The following PDE4D variants were observed in gnomAD, a reference collection of about 807,000 sequenced individuals.
PDE4D encodes the protein 3',5'-cyclic-AMP phosphodiesterase 4D.
In PDE4D, 24 loss-of-function variants were observed where a neutral mutation model predicts 87.4. The ratio of observed to expected loss-of-function variants is 0.27; its 90% CI spans 0.20 to 0.39. The LOEUF is 0.39. PDE4D is among the 10% of genes least tolerant of loss of function. The pLI is 1.00. For synonymous variants in PDE4D, 384 were observed against 383.2 expected (o/e 1.00, Z -0.02); for missense variants, 714 against 1,041.0 (o/e 0.69, Z 4.32).
At chr5:59,157,514 T>C (rs1780429404) in intron 5 of PDE4D, among the ~76,000 whole-genome samples, 1 of 152,242 alleles carries the variant, frequency 6.6e-6, no homozygotes, top group Non-Finnish European at 1.5e-5. Flanking sequence ...CAAATTATAA[T>C]GTCCAAACCA....
At chr5:59,305,823 T>C (rs145037728) in intron 1 of PDE4D, among the ~76,000 whole-genome samples, 4 of 152,170 alleles carry the variant, frequency 2.6e-5, no homozygotes, top group African/African-American at 9.6e-5. Context: ...GCCTATCATA[T>C]GGTCTATCTT....
At chr5:59,663,457 C>T (rs915397530) in intron 1 of PDE4D, among the ~76,000 whole-genome samples, 16 of 152,120 alleles carry the variant, frequency 1.1e-4, no homozygotes, top group African/African-American at 3.9e-4. Flanking sequence ...AGGCATGAGC[C>T]ATCGTGCCCA....
intron 1 of PDE4D, among the ~76,000 whole-genome samples, chr5:59,307,399 A>C (rs1004500048): frequency 6.3e-4 from 95 of 151,596 alleles, no homozygotes; most frequent in Non-Finnish European, 1.1e-3. Flanking sequence ...ACAGCAAAAG[A>C]AACTACCATC....
chr5:60,104,713 G>A (rs1236669856), intron 2 of PDE4D, among the ~76,000 whole-genome samples: 5 of 152,174 alleles, frequency 3.3e-5, no homozygotes, highest in East Asian at 1.9e-4. Flanking sequence ...ACGAAAATCC[G>A]CTGTTCTGCA....
chr5:60,404,288 TA>T (rs202137915), intron 1 of PDE4D, among the ~76,000 whole-genome samples: 4 of 151,416 alleles, frequency 2.6e-5, no homozygotes, highest in African/African-American at 7.3e-5. Context: ...ACTGCTTGGA[TA>T]AAAAAAATCA....
chr5:59,251,420 A>C (rs1257288837), intron 1 of PDE4D, among the ~76,000 whole-genome samples: 1 of 152,214 alleles, frequency 6.6e-6, no homozygotes, highest in Non-Finnish European at 1.5e-5. Context: ...CAACAAGCAT[A>C]TGAAAAAACC....
At chr5:60,058,392 AAAC>A (rs1562037891) in intron 2 of PDE4D, among the ~76,000 whole-genome samples, 4 of 152,118 alleles carry the variant, frequency 2.6e-5, no homozygotes, top group South Asian at 2.1e-4. Context: ...ATGAAAAGTG[AAAC>A]AACATCTTCA....
intron 1 of PDE4D, among the ~76,000 whole-genome samples, chr5:59,631,413 G>A (rs1406845748): frequency 6.6e-6 from 1 of 152,118 alleles, no homozygotes; most frequent in African/African-American, 2.4e-5. Context: ...TGTTTGTGGA[G>A]ACAAAAATTT....
chr5:59,068,068 G>A (rs1764199582), intron 5 of PDE4D, among the ~76,000 whole-genome samples: 1 of 152,138 alleles, frequency 6.6e-6, no homozygotes, highest in South Asian at 2.1e-4. Flanking sequence ...TTGACTTGAG[G>A]TCCAGGGCTT....
At chr5:59,172,325 TAATA>T (rs1475912620) in intron 5 of PDE4D, among the ~76,000 whole-genome samples, 20 of 130,588 alleles carry the variant, frequency 1.5e-4, no homozygotes, top group South Asian at 2.2e-4. Flanking sequence ...ATAAAATATA[TAATA>T]TATAATATAT....
intron 1 of PDE4D, among the ~76,000 whole-genome samples, chr5:59,297,563 A>T (rs567896914): frequency 1.3e-5 from 2 of 151,846 alleles, no homozygotes; most frequent in African/African-American, 4.8e-5. Context: ...TCATATGTGA[A>T]TTTTTTTTTA....
rs376638385 is a variant in PDE4D at position 60,193,711 on chromosome 5, G to C, written c.-89-8024C>G. Reference sequence around the variant, plus strand: ...AAAAAAAGAAAGAAAAAGAAAAAAAGAAAAGAAAAAGCTGTCACAATTTTC... The same window carrying C: ...AAAAAAAGAAAGAAAAAGAAAAAAACAAAAGAAAAAGCTGTCACAATTTTC... On this transcript the variant is annotated intron_variant, in intron 1 of 16. Transcript: ENST00000502484. 2.3e-5 allele frequency among the ~76,000 whole-genome samples: 3 copies of C among 128,034 alleles called. 1 individual carries two copies. Among genetic ancestry groups the C allele is most frequent in the Non-Finnish European group, 5.2e-5 (3 of 58,012 alleles). The allele number at this position is 128,034 out of a possible 152,430, so 84.0% of individuals were successfully genotyped here. A position where few individuals can be genotyped will look rare whatever the true frequency, so the allele number is the denominator to read the frequency against.
In PDE4D at chr5:60,478,959, T is replaced by C. The variant is rs140738538; in HGVS notation, c.-90+8983A>G. On this transcript the variant is annotated intron_variant, in intron 1 of 16. Transcript: ENST00000502484. ...TGCGCTGTAGAGCCTTCTAGTATGC[T>C]GAGTCTCATTTGGTCCTCCTTTTGT... 1.8e-3 allele frequency among the ~76,000 whole-genome samples: 270 copies of C among 152,334 alleles called. 3 individuals carry two copies. Among genetic ancestry groups the C allele is most frequent in the Admixed American group, 0.015 (236 of 15,300 alleles).
intron 1 of PDE4D, among the ~76,000 whole-genome samples, chr5:60,335,580 G>A (rs577425306): frequency 1.7e-4 from 26 of 152,288 alleles, no homozygotes; most frequent in African/African-American, 5.1e-4. Context: ...AGAAAGGGTG[G>A]TTGGGCCTAG....
intron 5 of PDE4D, among the ~76,000 whole-genome samples, chr5:59,131,131 G>A (rs13164981): frequency 0.17 from 25,487 of 152,122 alleles, 2,210 homozygotes; most frequent in African/African-American, 0.19. Context: ...TATACAAAAG[G>A]CACAGGGGGA....
intron 1 of PDE4D, among the ~76,000 whole-genome samples, chr5:60,332,004 C>T (rs1445507689): frequency 6.6e-6 from 1 of 152,178 alleles, no homozygotes; most frequent in Non-Finnish European, 1.5e-5. Flanking sequence ...GTGCATCTCA[C>T]TCTAGCTGTT....
At chr5:59,560,159 A>T (rs552660808) in intron 1 of PDE4D, among the ~76,000 whole-genome samples, 1 of 152,352 alleles carries the variant, frequency 6.6e-6, no homozygotes, top group East Asian at 1.9e-4. Context: ...AATCAGTCCC[A>T]GATGTGGCTT....
At chr5:59,134,766 A>G (rs34235034) in intron 5 of PDE4D, among the ~76,000 whole-genome samples, 1 of 152,072 alleles carries the variant, frequency 6.6e-6, no homozygotes, top group Admixed American at 6.5e-5. Flanking sequence ...ACCCTTTCTC[A>G]TAGTGAGGGT....
intron 1 of PDE4D, among the ~76,000 whole-genome samples, chr5:59,581,567 A>G (rs1210521639): frequency 6.6e-6 from 1 of 152,198 alleles, no homozygotes; most frequent in African/African-American, 2.4e-5. Context: ...TGAAGATGTA[A>G]CCTCACAGCG....
Sources: gnomAD v4.1 joint callset for allele counts (sites outside exome capture counted in the v4.1 genomes callset) on GRCh38, gnomAD v4.1.1 for gene constraint, MANE v1.5 for transcripts, NCBI Gene and HGNC (gene_info 2026-07-23, HGNC 2026-07-21) for gene names.